Variants in SH3BP5 observed in about 807,000 individuals in gnomAD.
The protein encoded by SH3BP5 is SH3 domain binding protein 5, also known as SH3 domain-binding protein 5.
A neutral mutation model predicts 43.3 loss-of-function variants in SH3BP5; 22 were observed. That is an observed-to-expected ratio of 0.51 (90% CI 0.36 to 0.73). The LOEUF (loss-of-function observed/expected upper bound fraction) is 0.73, where lower values mean the gene tolerates loss of function less well. Among genes scored for constraint, SH3BP5 ranks in the 30% least tolerant of loss-of-function variants. The probability of loss-of-function intolerance (pLI) is 0.00; values close to 1 mark genes in which losing one functional copy is unlikely to be tolerated. For synonymous variants in SH3BP5, 255 were observed against 225.8 expected, an observed-to-expected ratio of 1.13 and a Z score of -1.16; for missense variants, 529 against 586.9, an observed-to-expected ratio of 0.90 and a Z score of 1.02.
intron 4 of SH3BP5, among the ~76,000 whole-genome samples, chr3:15,263,566 A>G (rs1011601179): frequency 6.6e-6 from 1 of 152,234 alleles, no homozygotes; most frequent in African/African-American, 2.4e-5. Flanking sequence ...AGACAAGTCA[A>G]AGTTCTGGTG....
chr3:15,291,136 G>A (rs75469199), intron 3 of SH3BP5, among the ~76,000 whole-genome samples: 6 of 152,282 alleles, frequency 3.9e-5, no homozygotes, highest in African/African-American at 1.2e-4. Context: ...ACTCAATTTC[G>A]TCCCAGAAAC....
intron 3 of SH3BP5, among the ~76,000 whole-genome samples, chr3:15,271,926 C>T (rs1411116826): frequency 2.6e-5 from 4 of 152,072 alleles, no homozygotes; most frequent in African/African-American, 9.7e-5. Flanking sequence ...AGCCACAAAC[C>T]CGCCTCTGCA....
intron 2 of SH3BP5, among the ~76,000 whole-genome samples, chr3:15,320,406 C>G (rs1387061942): frequency 6.6e-6 from 1 of 152,118 alleles, no homozygotes; most frequent in Non-Finnish European, 1.5e-5. Flanking sequence ...ACTTGCTGAG[C>G]TCTCCAAGAG....
intron 4 of SH3BP5, among the ~76,000 whole-genome samples, chr3:15,269,213 A>G (rs1162637408): frequency 1.3e-5 from 2 of 151,734 alleles, no homozygotes; most frequent in African/African-American, 4.8e-5. Flanking sequence ...GTGCCTGTCA[A>G]CTCCCTGAAT....
chr3:15,332,642 G>A (rs1272048954), upstream of SH3BP5: 3 of 1,165,138 alleles, frequency 2.6e-6, no homozygotes, highest in East Asian at 4.0e-5. Flanking sequence ...CGCCCGCTCC[G>A]CCCCCGTCCC....
intron 4 of SH3BP5, among the ~76,000 whole-genome samples, chr3:15,268,333 G>A (rs1696700591): frequency 6.6e-6 from 1 of 152,192 alleles, no homozygotes; most frequent in African/African-American, 2.4e-5. Flanking sequence ...AATCCTATTG[G>A]CATTAACCTG....
intron 2 of SH3BP5, among the ~76,000 whole-genome samples, chr3:15,314,446 C>T (rs919398680): frequency 2.6e-5 from 4 of 152,156 alleles, no homozygotes; most frequent in African/African-American, 9.7e-5. Flanking sequence ...CCAGAGCAAG[C>T]TGATTCTACC....
Position 15,259,017 on chromosome 3 carries a change from T to C in SH3BP5, c.703A>G (p.Lys235Glu). The C allele has an allele frequency of 1.2e-6, 2 of 1,614,244 alleles. No individual in the cohort carries two copies. Among genetic ancestry groups the C allele is most frequent in the Non-Finnish European group, 1.7e-6 (2 of 1,180,018 alleles). Residue 235 changes from lysine to glutamate, a missense_variant, in exon 7 of 9, where the codon AAA becomes GAA. Transcript: ENST00000383791. ...TACTCGCCTTTTGCCAGGGTCAGTT[T>C]GGCCTGCAGGTCATCCACAGTCTTT... ...LKKTVDDLQAKLTLAKGEYKM... is the reference protein window; with the variant it reads ...LKKTVDDLQAELTLAKGEYKM...
chr3:15,259,200 G>T, intron 6 of SH3BP5, 150 bp from the exon 7 acceptor site: 1 of 651,712 alleles, frequency 1.5e-6, no homozygotes, highest in Non-Finnish European at 2.7e-6. Flanking sequence ...CATTGTAACT[G>T]CTATTCATTC....
At chr3:15,330,179 T>C (rs1417971679) in intron 2 of SH3BP5, among the ~76,000 whole-genome samples, 1 of 152,240 alleles carries the variant, frequency 6.6e-6, no homozygotes, top group Admixed American at 6.5e-5. Context: ...TTCATTATTC[T>C]CCATTAAAGA....
intron 2 of SH3BP5, among the ~76,000 whole-genome samples, chr3:15,327,395 G>A (rs370614269): frequency 6.5e-4 from 98 of 151,886 alleles, no homozygotes; most frequent in African/African-American, 2.1e-3. Context: ...GTGAGACTCC[G>A]TCTCAGGAAA....
chr3:15,278,231 G>A (rs190798537), intron 3 of SH3BP5, among the ~76,000 whole-genome samples: 3 of 152,236 alleles, frequency 2.0e-5, no homozygotes, highest in Admixed American at 6.5e-5. Context: ...CCGGCTAGAA[G>A]CTCATGAAGA....
chr3:15,339,940 A>G (rs1489823703), intron 1 of SH3BP5: 1 of 152,164 alleles, frequency 6.6e-6, no homozygotes, highest in Non-Finnish European at 1.5e-5. Context: ...AGAAAGTTCT[A>G]TACCCTGCAA....
Position 15,256,035 on chromosome 3 carries a change from C to G in SH3BP5, c.*51G>C, listed in dbSNP as rs763541242. On this transcript the variant is annotated 3_prime_UTR_variant, in exon 9 of 9. Transcript: ENST00000383791. ...AAATGATTATTGGCACAATGTTCTCCAGTTCCATGTATAAATGTTGATATG... is the reference window on the plus strand; with the variant it reads ...AAATGATTATTGGCACAATGTTCTCGAGTTCCATGTATAAATGTTGATATG... 2.9e-6 allele frequency: 4 copies of G among 1,384,704 alleles called. No homozygotes were observed. Among genetic ancestry groups the G allele is most frequent in the Non-Finnish European group, 4.1e-6 (4 of 984,454 alleles). The allele number at this position is 1,384,704 out of a possible 1,614,324, so 85.8% of individuals were successfully genotyped here.
chr3:15,301,321 G>T (rs899142426), intron 3 of SH3BP5, among the ~76,000 whole-genome samples: 23 of 152,176 alleles, frequency 1.5e-4, no homozygotes, highest in African/African-American at 5.3e-4. Context: ...GGAGGGCAGG[G>T]GAGGAACCTC....
chr3:15,255,899 C>T lies in SH3BP5; in HGVS notation c.*187G>A, dbSNP rs1169156519. The T allele has an allele frequency of 8.3e-6, 5 of 603,684 alleles. No individual in the cohort carries two copies. The South Asian group carries it at 1.0e-4, about 12-fold the overall frequency. The allele number at this position is 603,684 out of a possible 1,614,324, so 37.4% of individuals were successfully genotyped here. A position where few individuals can be genotyped will look rare whatever the true frequency, so the allele number is the denominator to read the frequency against. Reference sequence around the variant, plus strand: ...GTCTACCCACAACAAGAACTCTGCTCTGAAAAACCAGCCCAAGAGCTCTTA... The same window carrying T: ...GTCTACCCACAACAAGAACTCTGCTTTGAAAAACCAGCCCAAGAGCTCTTA... On this transcript the variant is annotated 3_prime_UTR_variant, in exon 9 of 9. Transcript: ENST00000383791.
At chr3:15,296,139 T>C (rs1697562247) in intron 3 of SH3BP5, among the ~76,000 whole-genome samples, 1 of 152,182 alleles carries the variant, frequency 6.6e-6, no homozygotes, top group Non-Finnish European at 1.5e-5. Context: ...AGAATATGAC[T>C]ACCACAGATA....
chr3:15,260,196 G>A (rs1696383580), intron 5 of SH3BP5: 4 of 230,670 alleles, frequency 1.7e-5, no homozygotes, highest in Non-Finnish European at 8.6e-6. Context: ...GGGATGAAGA[G>A]CAGCTGAGGC....
At chr3:15,321,737 T>C (rs1466146486) in intron 2 of SH3BP5, among the ~76,000 whole-genome samples, 4 of 150,420 alleles carry the variant, frequency 2.7e-5, no homozygotes, top group Admixed American at 2.7e-4. Context: ...CAATCCACCG[T>C]AAATCAATAT....
Sources: allele counts gnomAD v4.1 joint callset (sites outside exome capture counted in the v4.1 genomes callset), GRCh38; gene constraint gnomAD v4.1.1; transcripts MANE v1.5; gene names NCBI Gene and HGNC (gene_info 2026-07-23, HGNC 2026-07-21).